PDE8B: variants seen among roughly 807,000 people sequenced by gnomAD.
The protein encoded by PDE8B is high affinity cAMP-specific and IBMX-insensitive 3',5'-cyclic phosphodiesterase 8B.
PDE8B carries 26 observed loss-of-function variants against 101.3 expected under a neutral mutation model. That is an observed-to-expected ratio of 0.26 (90% CI 0.19 to 0.36). PDE8B has a LOEUF of 0.36. Ranked by LOEUF, PDE8B falls within the 10% of genes least tolerant of loss-of-function variation. PDE8B has a pLI of 1.00. For synonymous variants in PDE8B, 424 were observed against 429.3 expected, an observed-to-expected ratio of 0.99 and a Z score of 0.15; for missense variants, 810 against 1,163.1, an observed-to-expected ratio of 0.70 and a Z score of 4.42.
intron 17 of PDE8B, 97 bp from the exon 18 acceptor site, chr5:77,418,132 C>T: frequency 1.2e-6 from 1 of 833,626 alleles, no homozygotes; most frequent in Non-Finnish European, 2.0e-6. Flanking sequence ...TTCTGAAAAT[C>T]TCAAATCCCC....
chr5:77,180,838 G>T, the PDE8B span, among the ~76,000 whole-genome samples: 1 of 152,214 alleles, frequency 6.6e-6, no homozygotes, highest in African/African-American at 2.4e-5. Flanking sequence ...GTTGCGCCTG[G>T]TGTTTTCCAC....
chr5:77,380,373 C>A (rs1581365442), intron 10 of PDE8B, among the ~76,000 whole-genome samples: 1 of 152,290 alleles, frequency 6.6e-6, no homozygotes, highest in Non-Finnish European at 1.5e-5. Context: ...GCTCAAGGAA[C>A]CAAGTTAGGG....
intron 6 of PDE8B, among the ~76,000 whole-genome samples, 199 bp from the exon 7 acceptor site, chr5:77,344,654 G>C (rs183945669): frequency 6.6e-6 from 1 of 152,120 alleles, no homozygotes; most frequent in Non-Finnish European, 1.5e-5. Context: ...CTTCCCAAAG[G>C]CCCTGCCTCT....
At chr5:77,404,892 G>T in intron 12 of PDE8B, 95 bp downstream of exon 12, 1 of 780,154 alleles carries the variant, frequency 1.3e-6, no homozygotes. Context: ...ACTCCAAAGA[G>T]TAAGAGTTCA....
chr5:77,196,565 T>C, the PDE8B span, among the ~76,000 whole-genome samples: 1 of 152,238 alleles, frequency 6.6e-6, no homozygotes, highest in Non-Finnish European at 1.5e-5. Flanking sequence ...TACCTTTTTA[T>C]TCTATTTCTG....
chr5:77,422,427 G>A (rs189164938), intron 20 of PDE8B, among the ~76,000 whole-genome samples: 144 of 152,234 alleles, frequency 9.5e-4, no homozygotes, highest in African/African-American at 3.4e-3. Flanking sequence ...AAAATGAAGT[G>A]TATCTCAAGG....
chr5:77,348,732 G>C (rs1459627171), intron 7 of PDE8B, among the ~76,000 whole-genome samples: 5 of 152,178 alleles, frequency 3.3e-5, no homozygotes, highest in Non-Finnish European at 7.3e-5. Flanking sequence ...GCCTGGGCTG[G>C]AGTGCAACGG....
chr5:77,358,684 A>C (rs1282881237), intron 10 of PDE8B, among the ~76,000 whole-genome samples: 1 of 152,250 alleles, frequency 6.6e-6, no homozygotes, highest in African/African-American at 2.4e-5. Flanking sequence ...ATGGTGTTAC[A>C]AAGAATAGTT....
Position 77,421,849 on chromosome 5 carries a change from C to A in PDE8B, c.2279C>A (p.Pro760His). The part of the protein sequence containing the change: ...EIEGSDCECN[P>H]AGKNFPENQI... ...GAAGGCAGCGACTGTGAATGCAACC[C>A]TGCTGGGAAGAACTTCCCTGAAAAC... Residue 760 changes from proline to histidine, a missense_variant, in exon 20 of 22, where the codon CCT (proline) becomes CAT (histidine). Transcript: ENST00000264917. The A allele has an allele frequency of 9.9e-6, 16 of 1,614,136 alleles. No homozygotes were observed. Among genetic ancestry groups the A allele is most frequent in the Non-Finnish European group, 1.4e-5 (16 of 1,180,008 alleles).
intron 10 of PDE8B, among the ~76,000 whole-genome samples, chr5:77,397,010 A>G (rs1791197150): frequency 8.0e-6 from 1 of 124,618 alleles, no homozygotes; most frequent in Admixed American, 8.2e-5. Context: ...GTTGGTTTCT[A>G]TATTTCCGAT....
At chr5:77,221,697 A>G (rs924857465) in intron 1 of PDE8B, among the ~76,000 whole-genome samples, 4 of 152,182 alleles carry the variant, frequency 2.6e-5, no homozygotes, top group African/African-American at 9.7e-5. Flanking sequence ...CATTCTCCTA[A>G]GGTGACAGGA....
chr5:77,402,332 G>C (rs1792457157), intron 11 of PDE8B, among the ~76,000 whole-genome samples: 1 of 151,956 alleles, frequency 6.6e-6, no homozygotes, highest in African/African-American at 2.4e-5. Context: ...ATAAAAATTA[G>C]GAAAAGAGAT....
chr5:77,118,078 G>C, the PDE8B span, among the ~76,000 whole-genome samples: 1 of 151,956 alleles, frequency 6.6e-6, no homozygotes, highest in Non-Finnish European at 1.5e-5. Context: ...GGGACTACAG[G>C]CATGCACTAC....
intron 1 of PDE8B, among the ~76,000 whole-genome samples, chr5:77,304,086 G>A (rs772786862): frequency 1.8e-4 from 27 of 151,938 alleles, no homozygotes; most frequent in Non-Finnish European, 2.4e-4. Flanking sequence ...ATACTTCTTC[G>A]TCTTCACTAG....
chr5:77,137,120 G>A, the PDE8B span, among the ~76,000 whole-genome samples: 1 of 152,166 alleles, frequency 6.6e-6, no homozygotes, highest in Non-Finnish European at 1.5e-5. Flanking sequence ...TTGTCATCAT[G>A]TATTGTGATG....
intron 1 of PDE8B, chr5:77,290,230 G>T (rs1388881450): frequency 8.4e-6 from 13 of 1,545,894 alleles, no homozygotes; most frequent in Non-Finnish European, 1.1e-5. Flanking sequence ...GCAAAGACCA[G>T]CAAGCTCCTT....
the PDE8B span, among the ~76,000 whole-genome samples, chr5:77,094,048 C>G: frequency 6.6e-6 from 1 of 151,888 alleles, no homozygotes; most frequent in South Asian, 2.1e-4. Context: ...GGTTAGAAGT[C>G]AAAATTAAGG....
At chr5:77,377,609 C>T (rs571574980) in intron 10 of PDE8B, among the ~76,000 whole-genome samples, 9 of 152,206 alleles carry the variant, frequency 5.9e-5, no homozygotes, top group African/African-American at 9.6e-5. Context: ...AGGGTCTATG[C>T]ATCAGATCCT....
chr5:77,372,021 A>G (rs1254568445), intron 10 of PDE8B, among the ~76,000 whole-genome samples: 1 of 152,084 alleles, frequency 6.6e-6, no homozygotes, highest in African/African-American at 2.4e-5. Flanking sequence ...GCAACATGGC[A>G]AAACCCCGTC....
Sources: gnomAD v4.1 joint callset for allele counts (sites outside exome capture counted in the v4.1 genomes callset) on GRCh38, gnomAD v4.1.1 for gene constraint, MANE v1.5 for transcripts, NCBI Gene and HGNC (gene_info 2026-07-23, HGNC 2026-07-21) for gene names.